LMBRD1: variants seen among roughly 807,000 people sequenced by gnomAD.
The protein encoded by LMBRD1 is LMBR1 domain containing 1.
LMBRD1 carries 64 observed loss-of-function variants against 74.8 expected under a neutral mutation model. That is an observed-to-expected ratio of 0.86 (90% CI 0.70 to 1.05). LMBRD1 has a LOEUF of 1.05. Ranked by LOEUF, LMBRD1 falls within the 50% of genes least tolerant of loss-of-function variation. The probability of loss-of-function intolerance (pLI) is 0.00; values close to 1 mark genes in which losing one functional copy is unlikely to be tolerated. For missense variants in LMBRD1, 652 were observed against 645.9 expected (o/e 1.01, Z -0.10); for synonymous variants, 204 against 216.3 (o/e 0.94, Z 0.50).
chr6:69,731,821 T>C (rs1359607499), intron 7 of LMBRD1, among the ~76,000 whole-genome samples: 1 of 151,752 alleles, frequency 6.6e-6, no homozygotes, highest in Non-Finnish European at 1.5e-5. Context: ...AAACCATCTG[T>C]GTCGTATAGT....
chr6:69,682,494 A>C (rs1582041274), intron 14 of LMBRD1, among the ~76,000 whole-genome samples: 1 of 152,122 alleles, frequency 6.6e-6, no homozygotes, highest in East Asian at 1.9e-4. Flanking sequence ...CCTTTTAAGA[A>C]AGAATGCTAC....
At chr6:69,753,502 A>AT (rs1358001728) in intron 3 of LMBRD1, among the ~76,000 whole-genome samples, 1 of 152,218 alleles carries the variant, frequency 6.6e-6, no homozygotes, top group African/African-American at 2.4e-5. Flanking sequence ...ATAAAATGGT[A>AT]TAGCAGCTGT....
At chr6:69,694,435 C>T (rs1348860003) in intron 14 of LMBRD1, among the ~76,000 whole-genome samples, 3 of 152,086 alleles carry the variant, frequency 2.0e-5, no homozygotes, top group Admixed American at 6.5e-5. Flanking sequence ...TTGTGATGTA[C>T]GTATACATTT....
At chr6:69,772,667 C>T (rs1464263389) in intron 3 of LMBRD1, among the ~76,000 whole-genome samples, 2 of 152,018 alleles carry the variant, frequency 1.3e-5, no homozygotes, top group Non-Finnish European at 2.9e-5. Flanking sequence ...GGGCAGGAGA[C>T]AGGACAGAAC....
intron 3 of LMBRD1, among the ~76,000 whole-genome samples, chr6:69,756,192 C>G (rs1214360313): frequency 1.3e-5 from 2 of 151,954 alleles, no homozygotes; most frequent in African/African-American, 4.8e-5. Context: ...GAGATCCCGT[C>G]TCTACTAAAA....
rs77021418 is a variant in LMBRD1, at chr6:69,776,966, G to A, written c.307+3528C>T. Among the ~76,000 whole-genome samples the A allele has an allele frequency of 7.2e-3, 1,096 of 152,088 alleles. 7 individuals are homozygous for A. The highest frequency in any genetic ancestry group is 0.012 in the Non-Finnish European group (844 of 67,990). Reference sequence around the variant, plus strand: ...GTTCGAGACTAGTATGACCAACATGGCAAAACCCCATCTCTACTAAAAAAT... The same window carrying A: ...GTTCGAGACTAGTATGACCAACATGACAAAACCCCATCTCTACTAAAAAAT... On this transcript the variant is annotated intron_variant, in intron 3 of 15. Transcript: ENST00000649934.
chr6:69,748,445 G>C (rs1765044859), intron 5 of LMBRD1, among the ~76,000 whole-genome samples: 1 of 151,924 alleles, frequency 6.6e-6, no homozygotes, highest in Non-Finnish European at 1.5e-5. Context: ...CATCAAGGCA[G>C]GTAAAAAGAA....
At position 69,720,991 on chromosome 6, in the gene LMBRD1, G is replaced by A. The variant is rs567746675; in HGVS notation, c.637-1910C>T. ...CTGAACTCAGTGCTGTCCTATCACC[G>A]TTGACAATAGAGCCATACTGGGCTC... On this transcript the variant is annotated intron_variant, in intron 7 of 15. Transcript: ENST00000649934. Among the ~76,000 whole-genome samples the A allele has an allele frequency of 7.9e-4, 120 of 152,274 alleles. 1 individual carries two copies. The highest frequency in any genetic ancestry group is 2.5e-3 in the African/African-American group (104 of 41,558).
chr6:69,701,994 G>T, intron 9 of LMBRD1, 41 bp from the exon 10 acceptor site: 3 of 1,260,290 alleles, frequency 2.4e-6, no homozygotes, highest in Non-Finnish European at 3.5e-6. Context: ...AGTTCTAAAA[G>T]TTGATATTAA....
chr6:69,733,085 C>T (rs1293580862), intron 7 of LMBRD1, among the ~76,000 whole-genome samples: 3 of 151,872 alleles, frequency 2.0e-5, no homozygotes, highest in Non-Finnish European at 4.4e-5. Flanking sequence ...AACAATAATA[C>T]ATAACTAAGA....
chr6:69,735,302 T>C (rs1161005281), intron 7 of LMBRD1, among the ~76,000 whole-genome samples: 2 of 152,064 alleles, frequency 1.3e-5, no homozygotes, highest in Admixed American at 1.3e-4. Context: ...ATTCACCTAA[T>C]ACGCACATCT....
intron 3 of LMBRD1, among the ~76,000 whole-genome samples, chr6:69,773,185 G>C (rs2149889017): frequency 6.6e-6 from 1 of 152,084 alleles, no homozygotes; most frequent in South Asian, 2.1e-4. Flanking sequence ...GGTAGCAAGG[G>C]TGACTGCTCA....
chr6:69,725,772 C>T (rs769982104), intron 7 of LMBRD1, among the ~76,000 whole-genome samples: 1 of 152,180 alleles, frequency 6.6e-6, no homozygotes, highest in Non-Finnish European at 1.5e-5. Flanking sequence ...AGACCTCATA[C>T]TATGAAACGA....
intron 2 of LMBRD1, among the ~76,000 whole-genome samples, chr6:69,782,712 A>C (rs1412553042): frequency 2.0e-5 from 3 of 152,012 alleles, no homozygotes; most frequent in Non-Finnish European, 2.9e-5. Flanking sequence ...AGAGAGAGAG[A>C]AAAGACTAGG....
intron 5 of LMBRD1, among the ~76,000 whole-genome samples, chr6:69,745,323 A>G (rs1767198529): frequency 6.7e-6 from 1 of 149,674 alleles, no homozygotes; most frequent in Admixed American, 6.6e-5. Context: ...CAGTGGCGCA[A>G]TCTCGGCTCA....
intron 14 of LMBRD1, among the ~76,000 whole-genome samples, chr6:69,676,868 A>G (rs1765557429): frequency 6.6e-6 from 1 of 152,160 alleles, no homozygotes; most frequent in Non-Finnish European, 1.5e-5. Context: ...AGTGTCAGAC[A>G]TATCATAAAA....
At chr6:69,775,558 T>C (rs892879976) in intron 3 of LMBRD1, among the ~76,000 whole-genome samples, 1 of 152,202 alleles carries the variant, frequency 6.6e-6, no homozygotes, top group Non-Finnish European at 1.5e-5. Flanking sequence ...GGAATCAAGA[T>C]AGTAGACTCA....
chr6:69,698,626 T>C (rs567166581), intron 13 of LMBRD1, among the ~76,000 whole-genome samples: 16 of 152,060 alleles, frequency 1.1e-4, no homozygotes, highest in Non-Finnish European at 2.1e-4. Flanking sequence ...AATGTATAGT[T>C]ATCTACATAT....
chr6:69,680,806 T>C (rs1299640327), intron 14 of LMBRD1, among the ~76,000 whole-genome samples: 3 of 152,076 alleles, frequency 2.0e-5, no homozygotes, highest in Admixed American at 2.0e-4. Flanking sequence ...ATGCATATAT[T>C]TCCTATTCAA....
Sources: gnomAD v4.1 joint callset for allele counts (sites outside exome capture counted in the v4.1 genomes callset) on GRCh38, gnomAD v4.1.1 for gene constraint, MANE v1.5 for transcripts, NCBI Gene and HGNC (gene_info 2026-07-23, HGNC 2026-07-21) for gene names.